The following METTL4 variants were observed in gnomAD, a reference collection of about 807,000 sequenced individuals.
METTL4 encodes N(6)-adenine-specific methyltransferase METTL4.
Under a neutral mutation model 54.0 loss-of-function variants are expected in METTL4, and 40 were observed. The observed-to-expected ratio is 0.74, with a 90% CI of 0.58 to 0.96. The LOEUF (loss-of-function observed/expected upper bound fraction) is 0.96. Ranked by LOEUF, METTL4 falls within the 50% of genes least tolerant of loss-of-function variation. The probability of loss-of-function intolerance (pLI) is 0.00; values close to 1 mark genes in which losing one functional copy is unlikely to be tolerated. For missense variants in METTL4, 525 were observed against 549.0 expected (o/e 0.96, Z 0.44); for synonymous variants, 169 against 183.8 (o/e 0.92, Z 0.65).
intron 1 of METTL4, chr18:2,568,256 C>A (rs7241909): frequency 6.6e-6 from 1 of 152,160 alleles, no homozygotes; most frequent in Non-Finnish European, 1.5e-5. Flanking sequence ...GAGTTGATCA[C>A]CAGTGACCAA....
chr18:2,568,964 T>G (rs938567784), intron 1 of METTL4: 6 of 223,868 alleles, frequency 2.7e-5, no homozygotes, highest in Admixed American at 2.5e-4. Flanking sequence ...TTAATGCTAT[T>G]CTAAAGGAGT....
chr18:2,561,029 A>C (rs2072309541), intron 3 of METTL4: 1 of 152,180 alleles, frequency 6.6e-6, no homozygotes, highest in Non-Finnish European at 1.5e-5. Flanking sequence ...CATGGAAAAA[A>C]ATTTTTAAAA....
At chr18:2,563,695 G>A in intron 3 of METTL4, 102 bp downstream of exon 3, 1 of 621,438 alleles carries the variant, frequency 1.6e-6, no homozygotes, top group African/African-American at 2.0e-5. Flanking sequence ...TGATCAAAAT[G>A]ATTGCTTGAT....
intron 8 of METTL4, chr18:2,540,688 T>C: frequency 1.0e-6 from 1 of 985,408 alleles, no homozygotes; most frequent in Non-Finnish European, 1.2e-6. Context: ...AAGATTTCCC[T>C]AGAGTCTTGG....
At position 2,552,208 on chromosome 18, in the gene METTL4, A is replaced by AAATAAAATAAAATAT. The variant is rs1311887260; in HGVS notation, c.899+486_899+487insATATTTTATTTTATT. On this transcript the variant is annotated intron_variant, in intron 5 of 8. Transcript: ENST00000574538. ...CTCCATCTCAAAATAAAATAAAATA[A>AAATAAAATAAAATAT]AATAAAATAAGGAATTGAAAGGAAA... Among the ~76,000 whole-genome samples, 61 of 152,260 alleles carry AAATAAAATAAAATAT rather than the reference A, an allele frequency of 4.0e-4. 1 individual carries two copies. Among genetic ancestry groups the AAATAAAATAAAATAT allele is most frequent in the Non-Finnish European group, 8.8e-5 (6 of 68,018 alleles).
At chr18:2,558,369 T>C (rs1190059169) in intron 3 of METTL4, among the ~76,000 whole-genome samples, 2 of 152,126 alleles carry the variant, frequency 1.3e-5, no homozygotes, top group Non-Finnish European at 2.9e-5. Context: ...ATAATTCATA[T>C]AGGTCAAAGA....
At chr18:2,543,791 C>A (rs915638733) in intron 8 of METTL4, among the ~76,000 whole-genome samples, 1 of 152,146 alleles carries the variant, frequency 6.6e-6, no homozygotes, top group Non-Finnish European at 1.5e-5. Context: ...AGCCACTAAC[C>A]AAATATCAAG....
rs758632695 is a variant in METTL4 at position 2,544,674 on chromosome 18, T to G, written c.1160A>C (p.Glu387Ala). The G allele has an allele frequency of 5.6e-6, 9 of 1,611,392 alleles. No homozygotes were observed. Among genetic ancestry groups the G allele is most frequent in the Non-Finnish European group, 7.6e-6 (9 of 1,178,638 alleles). Reference protein sequence around the residue: ...YEGLILGRVQEKTALPLRNAD... With the variant: ...YEGLILGRVQAKTALPLRNAD... ...CTACCTCAATGGTAGAGCAGTTTTT[T>G]CTTGAACCCTCCCCAGTATAAGACC... Residue 387 changes from glutamate (E) to alanine (A), a missense_variant, in exon 7 of 9, where the codon GAA becomes GCA. Transcript: ENST00000574538.
chr18:2,565,619 C>A (rs536263065), intron 2 of METTL4, among the ~76,000 whole-genome samples: 1 of 152,152 alleles, frequency 6.6e-6, no homozygotes, highest in African/African-American at 2.4e-5. Context: ...TAATTCTCAA[C>A]AAACTTTCGT....
At chr18:2,539,487 T>C (rs1172520285) in intron 8 of METTL4, among the ~76,000 whole-genome samples, 1 of 150,616 alleles carries the variant, frequency 6.6e-6, no homozygotes. Context: ...ATTTAATTTT[T>C]TTTTTTTTTT....
chr18:2,560,566 A>G (rs1367061250), intron 3 of METTL4, among the ~76,000 whole-genome samples: 1 of 152,122 alleles, frequency 6.6e-6, no homozygotes, highest in East Asian at 1.9e-4. Flanking sequence ...ACTGTCCCAA[A>G]TAAAACATTA....
At chr18:2,546,488 T>A (rs1271417461) in intron 6 of METTL4, among the ~76,000 whole-genome samples, 1 of 151,942 alleles carries the variant, frequency 6.6e-6, no homozygotes, top group African/African-American at 2.4e-5. Flanking sequence ...CCCCCAAGGA[T>A]AAGGAGAACT....
At chr18:2,566,038 C>A (rs1375801724) in intron 2 of METTL4, among the ~76,000 whole-genome samples, 14 of 82,562 alleles carry the variant, frequency 1.7e-4, no homozygotes, top group Middle Eastern at 5.7e-3. Flanking sequence ...CAGAGCAAGA[C>A]TCTGTCTCAA....
intron 5 of METTL4, among the ~76,000 whole-genome samples, chr18:2,551,250 T>C (rs2072155795): frequency 6.6e-6 from 1 of 152,088 alleles, no homozygotes; most frequent in South Asian, 2.1e-4. Flanking sequence ...TTATCTTTGT[T>C]TTTAGGAAAT....
chr18:2,562,627 A>G (rs1484671526), intron 3 of METTL4, among the ~76,000 whole-genome samples: 2 of 152,246 alleles, frequency 1.3e-5, no homozygotes, highest in Admixed American at 1.3e-4. Context: ...TACAACATGG[A>G]TGAACCTTGA....
At chr18:2,560,124 A>T (rs2072294118) in intron 3 of METTL4, among the ~76,000 whole-genome samples, 1 of 152,230 alleles carries the variant, frequency 6.6e-6, no homozygotes, top group South Asian at 2.1e-4. Context: ...GTTCTCTATT[A>T]AAAAACCTGA....
chr18:2,561,990 G>T (rs975596138), intron 3 of METTL4: 1 of 152,104 alleles, frequency 6.6e-6, no homozygotes, highest in Non-Finnish European at 1.5e-5. Flanking sequence ...GTATTCAGCT[G>T]TCTTCAGAAC....
At chr18:2,545,052 T>C (rs1285197442) in intron 6 of METTL4, among the ~76,000 whole-genome samples, 1 of 152,188 alleles carries the variant, frequency 6.6e-6, no homozygotes, top group Admixed American at 6.5e-5. Context: ...TTCTTTCTTT[T>C]GTACTATGCC....
Position 2,552,752 on chromosome 18 carries a change from A to C in METTL4, c.842T>G (p.Phe281Cys), listed in dbSNP as rs2072181820. ...TGGTGGATCTATCACAATTACATCA[A>C]ATGTTTTCCTATCTGAAAACAAAGA... ...MQPLLNYRKTFDVIVIDPPWQ... is the reference protein window; with the variant it reads ...MQPLLNYRKTCDVIVIDPPWQ... Residue 281 changes from phenylalanine to cysteine, a missense_variant, in exon 5 of 9, where the codon TTT (phenylalanine) becomes TGT (cysteine). Transcript: ENST00000574538. 4.3e-6 allele frequency: 7 copies of C among 1,609,416 alleles called. No homozygotes were observed. Among genetic ancestry groups the C allele is most frequent in the Non-Finnish European group, 5.9e-6 (7 of 1,177,124 alleles).
Sources: allele counts gnomAD v4.1 joint callset (sites outside exome capture counted in the v4.1 genomes callset), GRCh38; gene constraint gnomAD v4.1.1; transcripts MANE v1.5; gene names NCBI Gene and HGNC (gene_info 2026-07-23, HGNC 2026-07-21).